Variants in SDK1 observed in about 807,000 individuals in gnomAD.
The protein encoded by SDK1 is sidekick cell adhesion molecule 1.
In SDK1, 157 loss-of-function variants were observed where a neutral mutation model predicts 245.5. The ratio of observed to expected loss-of-function variants is 0.64; its 90% CI spans 0.56 to 0.73. The LOEUF (loss-of-function observed/expected upper bound fraction) is 0.73. Ranked by LOEUF, SDK1 falls within the 30% of genes least tolerant of loss-of-function variation. The pLI is 0.00. For synonymous variants in SDK1, 1,647 were observed against 1,278.5 expected (o/e 1.29, Z -6.15); for missense variants, 3,583 against 3,002.3 (o/e 1.19, Z -4.52).
chr7:3,756,127 A>C (rs951726270), intron 4 of SDK1, among the ~76,000 whole-genome samples: 5 of 147,040 alleles, frequency 3.4e-5, no homozygotes, highest in African/African-American at 7.7e-5. Flanking sequence ...TTTGAACCTG[A>C]CTCCTTTCAC....
chr7:3,322,009 GTT>G (rs75658453), intron 1 of SDK1, among the ~76,000 whole-genome samples: 17 of 142,160 alleles, frequency 1.2e-4, no homozygotes, highest in East Asian at 1.0e-3. Flanking sequence ...TCTTTCTAAA[GTT>G]TTTTTTTTTT....
At chr7:3,714,024 G>T (rs183680763) in intron 4 of SDK1, among the ~76,000 whole-genome samples, 61 of 152,332 alleles carry the variant, frequency 4.0e-4, no homozygotes, top group Non-Finnish European at 7.3e-4. Flanking sequence ...TATCAGATGA[G>T]AAACATTTTG....
intron 1 of SDK1, among the ~76,000 whole-genome samples, chr7:3,461,677 A>G (rs1158641151): frequency 6.6e-6 from 1 of 152,134 alleles, no homozygotes; most frequent in East Asian, 1.9e-4. Flanking sequence ...TCTCATTCCC[A>G]TCTTTTCAAC....
intron 4 of SDK1, among the ~76,000 whole-genome samples, chr7:3,798,211 C>CTTTT (rs71029699): frequency 1.3e-3 from 71 of 53,642 alleles, no homozygotes; most frequent in South Asian, 2.7e-3. Context: ...CCTTGGCACT[C>CTTTT]TTTTTTTTTT....
chr7:3,977,732 C>G (rs550336941), intron 13 of SDK1, among the ~76,000 whole-genome samples: 2 of 152,374 alleles, frequency 1.3e-5, no homozygotes, highest in African/African-American at 4.8e-5. Context: ...ACGACCATAT[C>G]TTCATGGCTC....
intron 1 of SDK1, among the ~76,000 whole-genome samples, chr7:3,527,677 G>A (rs1783190067): frequency 6.6e-6 from 1 of 151,438 alleles, no homozygotes; most frequent in Admixed American, 6.6e-5. Context: ...CCGGTTAGCA[G>A]GTGAGTGGTG....
chr7:4,193,641 T>A (rs112349035), intron 35 of SDK1, among the ~76,000 whole-genome samples: 4,093 of 152,116 alleles, frequency 0.027, 83 homozygotes, highest in Non-Finnish European at 0.041. Flanking sequence ...AGGCTGTGCA[T>A]GCACCTTAAC....
intron 2 of SDK1, among the ~76,000 whole-genome samples, chr7:3,627,575 G>A (rs547458362): frequency 2.4e-4 from 36 of 152,330 alleles, no homozygotes; most frequent in Admixed American, 2.2e-3. Flanking sequence ...TTGAAGAATT[G>A]TGTCGCACTG....
intron 1 of SDK1, among the ~76,000 whole-genome samples, chr7:3,419,244 G>A (rs928744671): frequency 1.3e-5 from 2 of 152,204 alleles, no homozygotes; most frequent in African/African-American, 4.8e-5. Flanking sequence ...GACTTTGCCC[G>A]AAGTGGCAGA....
rs142806958 is a variant in SDK1 at position 3,331,384 on chromosome 7, C to G, written c.298+29500C>G. Among the ~76,000 whole-genome samples the G allele has an allele frequency of 1.1e-3, 168 of 152,278 alleles. 1 individual carries two copies. Among genetic ancestry groups the G allele is most frequent in the African/African-American group, 3.8e-3 (157 of 41,548 alleles). ...TATTTTGTGGTTTTTACTTGTACTT[C>G]CTCAATGGCTAATAATGTTGAGCAT... On this transcript the variant is annotated intron_variant, in intron 1 of 44. Transcript: ENST00000404826.
Position 3,582,044 on chromosome 7 carries a change from G to A in SDK1, c.299-37036G>A, listed in dbSNP as rs1411465719. On this transcript the variant is annotated intron_variant, in intron 1 of 44. Coordinates refer to ENST00000404826, the MANE Select transcript of SDK1 (RefSeq NM_152744.4). ...TCTCAGGTAGATCTGTCTCAGGTAG[G>A]TCTCCCTCAGGTAGGCCTGTCTCAG... is the stretch of plus-strand genomic sequence containing the variant. Among the ~76,000 whole-genome samples, 4 of 150,996 alleles carry A rather than the reference G, an allele frequency of 2.6e-5. No individual in the cohort carries two copies. In the East Asian group the frequency reaches 5.9e-4, roughly 22 times the overall value.
In SDK1 at chr7:3,767,541, G is replaced by A. The variant is rs141231143; in HGVS notation, c.714-53909G>A. Among the ~76,000 whole-genome samples the A allele has an allele frequency of 1.3e-3, 203 of 151,830 alleles. 1 individual carries two copies. The highest frequency in any genetic ancestry group is 4.7e-3 in the African/African-American group (193 of 41,480). ...ATTCATGATAGCTAACACTTACATA[G>A]GCTTACTCTATGCCAGGCACTGATC... On this transcript the variant is annotated intron_variant, in intron 4 of 44. Coordinates refer to ENST00000404826, the MANE Select transcript of SDK1 (RefSeq NM_152744.4).
intron 22 of SDK1, among the ~76,000 whole-genome samples, chr7:4,092,117 T>A (rs1012034891): frequency 1.3e-5 from 2 of 152,208 alleles, no homozygotes; most frequent in African/African-American, 4.8e-5. Flanking sequence ...GTCTTTTAGG[T>A]CATGTTCTTT....
intron 1 of SDK1, among the ~76,000 whole-genome samples, chr7:3,476,946 G>A (rs1433564096): frequency 2.6e-5 from 4 of 152,140 alleles, no homozygotes; most frequent in Non-Finnish European, 4.4e-5. Flanking sequence ...GCCTAAGGAC[G>A]GAGACTCTGT....
In SDK1 at chr7:3,646,318, AT is replaced by A. The variant is rs527745397; in HGVS notation, c.713+4223del. On this transcript the variant is annotated intron_variant, in intron 4 of 44. Coordinates refer to ENST00000404826, the MANE Select transcript of SDK1 (RefSeq NM_152744.4). ...TGGGCTTTAGGCTTATAATTAAATG[AT>A]TTTTTTTTTCATTTTCAAGGGAAAC... 5.3e-3 allele frequency among the ~76,000 whole-genome samples: 752 copies of A among 141,740 alleles called. 4 individuals carry two copies. The highest frequency in any genetic ancestry group is 0.012 in the African/African-American group (427 of 36,438). The allele number at this position is 141,740 out of a possible 152,430, so 93.0% of individuals were successfully genotyped here.
At chr7:3,468,618 C>T (rs1781085869) in intron 1 of SDK1, among the ~76,000 whole-genome samples, 1 of 149,368 alleles carries the variant, frequency 6.7e-6, no homozygotes, top group South Asian at 2.1e-4. Flanking sequence ...CAGAGAGTGT[C>T]CTCCCTTATA....
intron 4 of SDK1, among the ~76,000 whole-genome samples, chr7:3,754,877 A>G (rs1045911149): frequency 2.0e-5 from 3 of 152,204 alleles, no homozygotes; most frequent in African/African-American, 7.2e-5. Flanking sequence ...GAATCGCAGC[A>G]CAGGGGCCTT....
At chr7:3,681,513 T>TATTTTTCAAAATGCCA (rs1368680655) in intron 4 of SDK1, among the ~76,000 whole-genome samples, 4 of 152,236 alleles carry the variant, frequency 2.6e-5, no homozygotes, top group Non-Finnish European at 5.9e-5. Flanking sequence ...TCTTCAAATT[T>TATTTTTCAAAATGCCA]ATTTTTCAAA....
intron 35 of SDK1, among the ~76,000 whole-genome samples, chr7:4,180,446 C>T (rs1023078449): frequency 9.3e-5 from 14 of 151,280 alleles, no homozygotes; most frequent in African/African-American, 3.4e-4. Flanking sequence ...GCTCTATGCC[C>T]AGCACCCGGC....
Sources: allele counts gnomAD v4.1 joint callset (sites outside exome capture counted in the v4.1 genomes callset), GRCh38; gene constraint gnomAD v4.1.1; transcripts MANE v1.5; gene names NCBI Gene and HGNC (gene_info 2026-07-23, HGNC 2026-07-21).